Variants in EXOC6B observed in about 807,000 individuals in gnomAD.
The protein encoded by EXOC6B is SEC15 homolog B.
In EXOC6B, 54 loss-of-function variants were observed where a neutral mutation model predicts 113.5. That is an observed-to-expected ratio of 0.48 (90% CI 0.38 to 0.60). The LOEUF is 0.60. Among genes scored for constraint, EXOC6B ranks in the 20% least tolerant of loss-of-function variants. The probability of loss-of-function intolerance (pLI) is 0.00; values close to 1 mark genes in which losing one functional copy is unlikely to be tolerated. For missense variants in EXOC6B, 797 were observed against 977.5 expected (o/e 0.82, Z 2.46); for synonymous variants, 357 against 339.0 (o/e 1.05, Z -0.58).
intron 6 of EXOC6B, among the ~76,000 whole-genome samples, chr2:72,604,078 T>C (rs986474119): frequency 3.3e-5 from 5 of 152,190 alleles, no homozygotes; most frequent in African/African-American, 1.2e-4. Context: ...TCATCTTAGA[T>C]TTATTAGTCC....
At chr2:72,549,135 T>C (rs1421884293) in intron 8 of EXOC6B, among the ~76,000 whole-genome samples, 1 of 152,148 alleles carries the variant, frequency 6.6e-6, no homozygotes, top group Non-Finnish European at 1.5e-5. Context: ...TTTAGTATCA[T>C]TAAAGTAAAG....
intron 6 of EXOC6B, among the ~76,000 whole-genome samples, chr2:72,648,258 A>G (rs1192269391): frequency 6.6e-6 from 1 of 152,206 alleles, no homozygotes; most frequent in Non-Finnish European, 1.5e-5. Context: ...TGGAATGGCG[A>G]TCATTTAAAA....
At chr2:72,326,388 G>T (rs1307067706) in intron 20 of EXOC6B, among the ~76,000 whole-genome samples, 7 of 152,140 alleles carry the variant, frequency 4.6e-5, no homozygotes, top group Non-Finnish European at 7.3e-5. Flanking sequence ...GCAGAAAGTA[G>T]TGCAATGCCT....
At chr2:72,191,600 C>T (rs1166958169) in intron 20 of EXOC6B, among the ~76,000 whole-genome samples, 4 of 152,122 alleles carry the variant, frequency 2.6e-5, no homozygotes, top group Admixed American at 1.3e-4. Flanking sequence ...AACAGACTTT[C>T]TTTTTTGCCA....
intron 18 of EXOC6B, among the ~76,000 whole-genome samples, chr2:72,454,854 C>A (rs1697122098): frequency 6.6e-6 from 1 of 152,088 alleles, no homozygotes; most frequent in African/African-American, 2.4e-5. Flanking sequence ...TGAAGAAATA[C>A]AAAACCTCTA....
At chr2:72,478,908 C>T (rs1698909803) in intron 17 of EXOC6B, among the ~76,000 whole-genome samples, 2 of 152,172 alleles carry the variant, frequency 1.3e-5, no homozygotes, top group Admixed American at 1.3e-4. Context: ...TTGGCTTTCA[C>T]AGAAGAGCAA....
At chr2:72,691,015 T>C (rs1425472285) in intron 6 of EXOC6B, among the ~76,000 whole-genome samples, 1 of 152,052 alleles carries the variant, frequency 6.6e-6, no homozygotes, top group Non-Finnish European at 1.5e-5. Flanking sequence ...TCCCAATACT[T>C]CGAGAGGCTG....
At chr2:72,269,644 T>TA (rs1053604327) in intron 20 of EXOC6B, among the ~76,000 whole-genome samples, 7 of 151,918 alleles carry the variant, frequency 4.6e-5, no homozygotes, top group East Asian at 3.9e-4. Flanking sequence ...GACCCTCTCT[T>TA]AAAAAAAAGG....
intron 18 of EXOC6B, among the ~76,000 whole-genome samples, chr2:72,384,771 CTATT>C (rs1691898850): frequency 6.6e-6 from 1 of 151,352 alleles, no homozygotes; most frequent in African/African-American, 2.4e-5. Flanking sequence ...CTTACAACAA[CTATT>C]TAAAAAAACT....
intron 18 of EXOC6B, among the ~76,000 whole-genome samples, chr2:72,391,419 T>C (rs1692371967): frequency 6.6e-6 from 1 of 152,126 alleles, no homozygotes; most frequent in Non-Finnish European, 1.5e-5. Flanking sequence ...CCACAATTCT[T>C]ACTGTTTTTC....
chr2:72,407,147 C>T (rs1693833104), intron 18 of EXOC6B, among the ~76,000 whole-genome samples: 1 of 152,112 alleles, frequency 6.6e-6, no homozygotes, highest in African/African-American at 2.4e-5. Flanking sequence ...CACATACACA[C>T]TCCCAAGACT....
chr2:72,609,952 A>G (rs1670975549), intron 6 of EXOC6B, among the ~76,000 whole-genome samples: 1 of 152,196 alleles, frequency 6.6e-6, no homozygotes, highest in South Asian at 2.1e-4. Context: ...AGTAGACAAT[A>G]AAATGACATG....
intron 6 of EXOC6B, among the ~76,000 whole-genome samples, chr2:72,641,350 C>T (rs1673215492): frequency 6.6e-6 from 1 of 152,240 alleles, no homozygotes; most frequent in Non-Finnish European, 1.5e-5. Flanking sequence ...AATCAGGCCA[C>T]TCCCACCCAA....
chr2:72,400,800 G>T (rs190004678), intron 18 of EXOC6B, among the ~76,000 whole-genome samples: 1 of 152,030 alleles, frequency 6.6e-6, no homozygotes, highest in African/African-American at 2.4e-5. Flanking sequence ...AACAGATACT[G>T]GTGACAATGT....
At chr2:72,685,154 CAT>C (rs1676988129) in intron 6 of EXOC6B, among the ~76,000 whole-genome samples, 1 of 151,894 alleles carries the variant, frequency 6.6e-6, no homozygotes, top group South Asian at 2.1e-4. Flanking sequence ...AGAGATTAAT[CAT>C]ATTGATAGAA....
intron 18 of EXOC6B, among the ~76,000 whole-genome samples, chr2:72,431,503 A>ATCTATCTATCTC: frequency 6.6e-6 from 1 of 150,664 alleles, no homozygotes; most frequent in African/African-American, 2.4e-5. Context: ...CTATCTATCT[A>ATCTATCTATCTC]TCTATCTATC....
chr2:72,709,202 T>C (rs1447725339), intron 6 of EXOC6B, among the ~76,000 whole-genome samples: 2 of 152,178 alleles, frequency 1.3e-5, no homozygotes, highest in Non-Finnish European at 2.9e-5. Flanking sequence ...ATTTTGAATA[T>C]TTCTTCTTCT....
chr2:72,404,870 C>T lies in EXOC6B; in HGVS notation c.1981-25000G>A, dbSNP rs143566062. On this transcript the variant is annotated intron_variant, in intron 18 of 21. Coordinates refer to ENST00000272427, the MANE Select transcript of EXOC6B (RefSeq NM_015189.3). The stretch of plus-strand genomic sequence containing the variant: ...AATGCTGCATGGAGAACGACCTTGA[C>T]GAGTTGAGAGAAGAAGGCTTCAGAC... 3.3e-5 allele frequency among the ~76,000 whole-genome samples: 5 copies of T among 152,204 alleles called. No individual in the cohort carries two copies. In the East Asian group the frequency reaches 5.8e-4, roughly 18 times the overall value.
chr2:72,332,099 G>A lies in EXOC6B; in HGVS notation c.2196+2848C>T, dbSNP rs146424241. Among the ~76,000 whole-genome samples, 886 of 142,770 alleles carry A rather than the reference G, an allele frequency of 6.2e-3. 10 individuals carry two copies. Among genetic ancestry groups the A allele is most frequent in the African/African-American group, 0.025 (815 of 33,126 alleles). The allele number at this position is 142,770 out of a possible 152,430, so 93.7% of individuals were successfully genotyped here. A position where few individuals can be genotyped will look rare whatever the true frequency, so the allele number is the denominator to read the frequency against. On this transcript the variant is annotated intron_variant, in intron 20 of 21. Transcript: ENST00000272427. Reference sequence around the variant, plus strand: ...CAGCAAGGCAAATACACTCAATGACGGTAAAAGAATATCCTTGCTGCACTG... The same window carrying A: ...CAGCAAGGCAAATACACTCAATGACAGTAAAAGAATATCCTTGCTGCACTG...
Sources: allele counts gnomAD v4.1 joint callset (sites outside exome capture counted in the v4.1 genomes callset), GRCh38; gene constraint gnomAD v4.1.1; transcripts MANE v1.5; gene names NCBI Gene and HGNC (gene_info 2026-07-23, HGNC 2026-07-21).